The following LRRK1 variants were observed in gnomAD, a reference collection of about 807,000 sequenced individuals.
The protein encoded by LRRK1 is leucine rich repeat kinase 1.
LRRK1 carries 113 observed loss-of-function variants against 209.1 expected under a neutral mutation model. The ratio of observed to expected loss-of-function variants is 0.54; its 90% CI spans 0.46 to 0.63. LRRK1 has a LOEUF of 0.63. LRRK1 is among the 30% of genes least tolerant of loss of function. The probability of loss-of-function intolerance (pLI) is 0.00; values close to 1 mark genes in which losing one functional copy is unlikely to be tolerated. For missense variants in LRRK1, 2,284 were observed against 2,632.2 expected (o/e 0.87, Z 2.89); for synonymous variants, 1,144 against 1,099.7 (o/e 1.04, Z -0.80).
At chr15:100,970,774 A>T (rs1452869166) in intron 2 of LRRK1, among the ~76,000 whole-genome samples, 4 of 152,210 alleles carry the variant, frequency 2.6e-5, no homozygotes, top group African/African-American at 9.6e-5. Context: ...AATCAAAGAG[A>T]ATTAACATCT....
At chr15:101,028,128 T>A (rs1301970712) in intron 19 of LRRK1, among the ~76,000 whole-genome samples, 1 of 151,950 alleles carries the variant, frequency 6.6e-6, no homozygotes, top group Non-Finnish European at 1.5e-5. Flanking sequence ...GACTTAACGT[T>A]CTGTAAAGTC....
At chr15:100,996,356 A>G (rs1388670296) in intron 6 of LRRK1, among the ~76,000 whole-genome samples, 2 of 152,256 alleles carry the variant, frequency 1.3e-5, no homozygotes, top group African/African-American at 4.8e-5. Flanking sequence ...CCATGGTGAC[A>G]GCCAGGGCTG....
chr15:101,056,935 A>T lies in LRRK1; in HGVS notation c.4412A>T (p.Gln1471Leu), dbSNP rs750667752. 3.1e-6 allele frequency: 5 copies of T among 1,614,184 alleles called. No homozygotes were observed. In the Admixed American group the frequency reaches 8.3e-5, roughly 27 times the overall value. Residue 1471 changes from glutamine (Q) to leucine (L), a missense_variant, in exon 28 of 34, where the codon CAG (glutamine) becomes CTG (leucine). By Grantham distance (113) the Gln-to-Leu change is moderately radical. This residue lies in a region of LRRK1 where 59 missense variants were observed against 103.8 expected (regional missense o/e 0.57). Coordinates refer to ENST00000388948, the MANE Select transcript of LRRK1 (RefSeq NM_024652.6). ...QRPALGHHQL[Q>L]IAKKLSKGIR... ...CCTGCACTGGGCCACCACCAGCTCC[A>T]GATTGCCAAGAAGCTGTCCAAGGGC...
rs200440978 is a variant in LRRK1, at chr15:100,988,842, C to A, written c.613+29C>A. The A allele has an allele frequency of 1.5e-4, 231 of 1,546,784 alleles. 1 individual carries two copies. Among genetic ancestry groups the A allele is most frequent in the Non-Finnish European group, 1.9e-4 (221 of 1,139,104 alleles). ...GGTTTCCCCACTACCCTGAGTCAAC[C>A]CTGACCGTGCAAACCATCTCAGCCT... On this transcript the variant is annotated intron_variant, in intron 5 of 33. Coordinates refer to ENST00000388948, the MANE Select transcript of LRRK1 (RefSeq NM_024652.6).
chr15:100,972,335 T>TATATGAGA (rs754464630), intron 2 of LRRK1, among the ~76,000 whole-genome samples: 28 of 106,188 alleles, frequency 2.6e-4, no homozygotes, highest in Admixed American at 9.3e-4. Flanking sequence ...TATATATATA[T>TATATGAGA]GAGAGAGAGA....
intron 6 of LRRK1, among the ~76,000 whole-genome samples, chr15:101,000,825 C>T (rs1398748362): frequency 2.0e-5 from 3 of 152,144 alleles, no homozygotes; most frequent in South Asian, 4.1e-4. Context: ...AGTCACATTC[C>T]GCAGTACGGG....
At chr15:100,969,486 T>C (rs1596214612) in intron 2 of LRRK1, among the ~76,000 whole-genome samples, 2 of 152,246 alleles carry the variant, frequency 1.3e-5, no homozygotes, top group Non-Finnish European at 2.9e-5. Context: ...TTATTTTTTC[T>C]TTTTTTTCAA....
intron 6 of LRRK1, among the ~76,000 whole-genome samples, chr15:100,995,718 G>C (rs1440820812): frequency 6.6e-6 from 1 of 152,196 alleles, no homozygotes; most frequent in South Asian, 2.1e-4. Flanking sequence ...GAATAACCAC[G>C]ATGTTCGCTC....
chr15:101,014,322 A>T lies in LRRK1; in HGVS notation c.1426A>T (p.Met476Leu), dbSNP rs772177705. ...CCCTCCCTCTCTCTCTCAGGCCCTC[A>T]TGTTCTTGAGGTTACAGGGGAACCA... is the stretch of plus-strand genomic sequence containing the variant. Reference protein sequence around the residue: ...PLGLFQLDALMFLRLQGNQLA... With the variant: ...PLGLFQLDALLFLRLQGNQLA... The change falls in exon 11 of 34, where the codon ATG becomes TTG. Residue 476 changes from methionine to leucine, a missense_variant. By Grantham distance (15) the Met-to-Leu change is conservative. This residue lies in a region of LRRK1 where 494 missense variants were observed against 522.1 expected (regional missense o/e 0.95). Coordinates refer to ENST00000388948, the MANE Select transcript of LRRK1 (RefSeq NM_024652.6). 5 of 1,610,310 alleles carry T rather than the reference A, an allele frequency of 3.1e-6. No individual in the cohort carries two copies. Among genetic ancestry groups the T allele is most frequent in the Non-Finnish European group, 4.2e-6 (5 of 1,177,624 alleles).
At chr15:100,929,491 C>T (rs1025657392) in intron 2 of LRRK1, among the ~76,000 whole-genome samples, 2 of 152,222 alleles carry the variant, frequency 1.3e-5, no homozygotes, top group African/African-American at 4.8e-5. Flanking sequence ...TGAAATACAA[C>T]TCCTTAATAT....
intron 3 of LRRK1, 63 bp downstream of exon 3, chr15:100,974,030 C>A: frequency 1.7e-6 from 2 of 1,204,510 alleles, no homozygotes; most frequent in South Asian, 8.5e-5. Context: ...GGGGACCGCT[C>A]AGATGATTTT....
chr15:101,025,046 T>C (rs2033962003), intron 16 of LRRK1, 79 bp downstream of exon 16: 1 of 1,382,926 alleles, frequency 7.2e-7, no homozygotes. Flanking sequence ...AAGCATCCCC[T>C]GTACTGAGAA....
At chr15:100,994,710 T>C (rs1267235748) in intron 6 of LRRK1, among the ~76,000 whole-genome samples, 1 of 152,242 alleles carries the variant, frequency 6.6e-6, no homozygotes, top group Non-Finnish European at 1.5e-5. Flanking sequence ...CTCCTTGAGC[T>C]TCCCCAAAGC....
At chr15:101,012,605 C>T (rs1331899806) in intron 10 of LRRK1, among the ~76,000 whole-genome samples, 3 of 152,224 alleles carry the variant, frequency 2.0e-5, no homozygotes, top group Non-Finnish European at 4.4e-5. Flanking sequence ...TCAGGGCAGC[C>T]TCACCAGGGG....
Position 101,012,124 on chromosome 15 carries a change from C to T in LRRK1, c.1398C>T (p.Pro466=). Reference sequence around the variant, plus strand: ...CAGAAAACGCACTCAAAGAAGTTCCCCTGGGACTTTTCCAGCTTGATGTAA... The same window carrying T: ...CAGAAAACGCACTCAAAGAAGTTCCTCTGGGACTTTTCCAGCTTGATGTAA... ...DFSENALKEV[P]LGLFQLDALM... Residue 466 remains proline (P), a synonymous_variant, in exon 10 of 34, where the codon CCC becomes CCT. Transcript: ENST00000388948. 2.5e-6 allele frequency: 4 copies of T among 1,608,874 alleles called. No homozygotes were observed. The highest frequency in any genetic ancestry group is 3.4e-6 in the Non-Finnish European group (4 of 1,178,690).
chr15:100,973,994 AC>A, intron 3 of LRRK1, 27 bp downstream of exon 3: 1 of 1,244,800 alleles, frequency 8.0e-7, no homozygotes, highest in Non-Finnish European at 1.0e-6. Context: ...CCCTGCGGCC[AC>A]CCATGCAGCC....
At chr15:100,955,946 T>C (rs749740450) in intron 2 of LRRK1, among the ~76,000 whole-genome samples, 33 of 152,146 alleles carry the variant, frequency 2.2e-4, no homozygotes, top group Non-Finnish European at 4.1e-4. Flanking sequence ...GGTCTGTAAT[T>C]TTCTTTTCTT....
chr15:100,983,139 C>T (rs1397628743), intron 3 of LRRK1, among the ~76,000 whole-genome samples: 4 of 152,136 alleles, frequency 2.6e-5, no homozygotes, highest in African/African-American at 9.7e-5. Context: ...TGCACTACTG[C>T]ACTCCAGCTT....
intron 4 of LRRK1, among the ~76,000 whole-genome samples, chr15:100,985,399 G>T (rs2031815312): frequency 2.0e-5 from 3 of 152,198 alleles, no homozygotes; most frequent in Non-Finnish European, 4.4e-5. Flanking sequence ...TGTAGAACGT[G>T]AGAGACAGAT....
Sources: gnomAD v4.1 joint callset for allele counts (sites outside exome capture counted in the v4.1 genomes callset) on GRCh38, gnomAD v4.1.1 for gene constraint, gnomAD v4.1.1 regional missense constraint, MANE v1.5 for transcripts, NCBI Gene and HGNC (gene_info 2026-07-23, HGNC 2026-07-21) for gene names.